The following JAZF1 variants were observed in gnomAD, a reference collection of about 807,000 sequenced individuals.
JAZF1 encodes the protein juxtaposed with another zinc finger protein 1.
Under a neutral mutation model 26.4 loss-of-function variants are expected in JAZF1, and 8 were observed. The observed-to-expected ratio is 0.30, with a 90% CI of 0.18 to 0.55. The LOEUF (loss-of-function observed/expected upper bound fraction) is 0.55. JAZF1 is among the 20% of genes least tolerant of loss of function. The pLI, the probability that JAZF1 is intolerant of heterozygous loss-of-function variation, is 0.94. For missense variants in JAZF1, 199 were observed against 322.0 expected, an observed-to-expected ratio of 0.62 and a Z score of 2.92; for synonymous variants, 126 against 122.3, an observed-to-expected ratio of 1.03 and a Z score of -0.20.
chr7:27,951,775 T>G (rs1785012053), intron 2 of JAZF1, among the ~76,000 whole-genome samples: 1 of 152,206 alleles, frequency 6.6e-6, no homozygotes, highest in African/African-American at 2.4e-5. Context: ...AGTTTTAGAA[T>G]CAACACATCA....
chr7:27,977,448 G>C (rs1785497845), intron 2 of JAZF1, among the ~76,000 whole-genome samples: 1 of 152,172 alleles, frequency 6.6e-6, no homozygotes, highest in African/African-American at 2.4e-5. Context: ...ATACCCTAGA[G>C]CAAAGTCCTT....
intron 1 of JAZF1, among the ~76,000 whole-genome samples, chr7:27,995,841 G>C (rs985989879): frequency 6.6e-6 from 1 of 152,158 alleles, no homozygotes; most frequent in Non-Finnish European, 1.5e-5. Flanking sequence ...AAGGGCTGGG[G>C]GTCACAGCAC....
At chr7:28,106,117 C>T (rs975454138) in intron 1 of JAZF1, among the ~76,000 whole-genome samples, 1 of 152,026 alleles carries the variant, frequency 6.6e-6, no homozygotes, top group Non-Finnish European at 1.5e-5. Flanking sequence ...GTTATTTCAG[C>T]GTTTAAAATG....
intron 1 of JAZF1, among the ~76,000 whole-genome samples, chr7:28,007,241 G>A (rs973229474): frequency 6.6e-6 from 1 of 152,206 alleles, no homozygotes; most frequent in Non-Finnish European, 1.5e-5. Flanking sequence ...GCCGAGGTGG[G>A]CAGATCACCT....
chr7:28,051,622 C>T (rs988513941), intron 1 of JAZF1, among the ~76,000 whole-genome samples: 12 of 152,092 alleles, frequency 7.9e-5, no homozygotes, highest in Non-Finnish European at 1.5e-4. Context: ...TCTGCATACC[C>T]CTCATCTGTT....
At chr7:27,991,107 C>G (rs1314834323) in intron 2 of JAZF1, among the ~76,000 whole-genome samples, 1 of 152,108 alleles carries the variant, frequency 6.6e-6, no homozygotes, top group Non-Finnish European at 1.5e-5. Context: ...CACTTCAGAC[C>G]CTGAACCTCA....
At chr7:28,015,421 A>G (rs1046532340) in intron 1 of JAZF1, among the ~76,000 whole-genome samples, 17 of 152,230 alleles carry the variant, frequency 1.1e-4, no homozygotes, top group Admixed American at 6.5e-5. Context: ...ACACTAATGT[A>G]AGACATTAAT....
chr7:28,027,216 G>A (rs1173741231), intron 1 of JAZF1, among the ~76,000 whole-genome samples: 1 of 152,176 alleles, frequency 6.6e-6, no homozygotes, highest in Non-Finnish European at 1.5e-5. Flanking sequence ...GCTCACTTGG[G>A]GATAAGGGTT....
intron 2 of JAZF1, among the ~76,000 whole-genome samples, chr7:27,989,551 T>C (rs532917242): frequency 2.0e-5 from 3 of 152,144 alleles, no homozygotes; most frequent in East Asian, 1.9e-4. Context: ...AGGGCTAATA[T>C]CCAGAATCTA....
At chr7:27,847,136 C>T (rs1365535061) in intron 3 of JAZF1, among the ~76,000 whole-genome samples, 15 of 144,102 alleles carry the variant, frequency 1.0e-4, no homozygotes, top group Non-Finnish European at 2.0e-4. Flanking sequence ...TGCACCACCC[C>T]GCCTGGCTTT....
At chr7:27,895,994 C>T (rs1299219147) in intron 2 of JAZF1, among the ~76,000 whole-genome samples, 2 of 152,146 alleles carry the variant, frequency 1.3e-5, no homozygotes, top group African/African-American at 4.8e-5. Context: ...GGCAAGGATT[C>T]TAGTCCCCAG....
chr7:28,118,761 T>TACACAC (rs10612400), intron 1 of JAZF1, among the ~76,000 whole-genome samples: 2,480 of 148,750 alleles, frequency 0.017, 34 homozygotes, highest in African/African-American at 0.031. Flanking sequence ...AAGAGAGTTT[T>TACACAC]ACACACACAC....
intron 3 of JAZF1, among the ~76,000 whole-genome samples, 198 bp downstream of exon 3, chr7:27,895,022 A>G (rs1037989864): frequency 2.0e-5 from 3 of 152,250 alleles, no homozygotes; most frequent in Non-Finnish European, 4.4e-5. Flanking sequence ...TATCACATGC[A>G]TATTAACAAT....
At position 28,093,330 on chromosome 7, in the gene JAZF1, G is replaced by A. The variant is rs924181843; in HGVS notation, c.115+87133C>T. On this transcript the variant is annotated intron_variant, in intron 1 of 4. Coordinates refer to ENST00000283928, the MANE Select transcript of JAZF1 (RefSeq NM_175061.4). ...TTATAAGGGGTTTCCCTCACTCGAC[G>A]CATTCTCTCTTGTCTGCTGCCATGT... 4.6e-5 allele frequency among the ~76,000 whole-genome samples: 7 copies of A among 152,246 alleles called. No homozygotes were observed. In the South Asian group the frequency reaches 1.5e-3, roughly 32 times the overall value.
At chr7:27,864,600 C>G (rs566060286) in intron 3 of JAZF1, among the ~76,000 whole-genome samples, 2 of 152,182 alleles carry the variant, frequency 1.3e-5, no homozygotes, top group Non-Finnish European at 2.9e-5. Context: ...TCCCTGCTCT[C>G]CCAGCTTGGT....
At chr7:27,883,116 T>C (rs903955881) in intron 3 of JAZF1, among the ~76,000 whole-genome samples, 3 of 152,202 alleles carry the variant, frequency 2.0e-5, no homozygotes, top group East Asian at 1.9e-4. Flanking sequence ...GCTCTGGACG[T>C]TGGCTTAAAA....
At chr7:28,037,088 G>A (rs1783307263) in intron 1 of JAZF1, among the ~76,000 whole-genome samples, 1 of 152,148 alleles carries the variant, frequency 6.6e-6, no homozygotes, top group Non-Finnish European at 1.5e-5. Flanking sequence ...GTTTATTTGG[G>A]TACGTGCAGA....
chr7:28,066,486 C>T (rs939438520), intron 1 of JAZF1, among the ~76,000 whole-genome samples: 1 of 151,734 alleles, frequency 6.6e-6, no homozygotes. Flanking sequence ...GCCTGTTATC[C>T]CAGCTACTTG....
intron 1 of JAZF1, among the ~76,000 whole-genome samples, chr7:28,087,889 T>G (rs1784234439): frequency 6.6e-6 from 1 of 152,226 alleles, no homozygotes; most frequent in Non-Finnish European, 1.5e-5. Context: ...AAATCAGTAT[T>G]CTTGTATATT....
Sources: gnomAD v4.1 joint callset for allele counts (sites outside exome capture counted in the v4.1 genomes callset) on GRCh38, gnomAD v4.1.1 for gene constraint, MANE v1.5 for transcripts, NCBI Gene and HGNC (gene_info 2026-07-23, HGNC 2026-07-21) for gene names.